The following PLEKHA6 variants were observed in gnomAD, a reference collection of about 807,000 sequenced individuals.
The protein encoded by PLEKHA6 is pleckstrin homology domain-containing family A member 6.
A neutral mutation model predicts 116.7 loss-of-function variants in PLEKHA6; 60 were observed. The ratio of observed to expected loss-of-function variants is 0.51; its 90% CI spans 0.42 to 0.64. The LOEUF (loss-of-function observed/expected upper bound fraction) is 0.64. Among genes scored for constraint, PLEKHA6 ranks in the 30% least tolerant of loss-of-function variants. PLEKHA6 has a pLI of 0.00. For missense variants in PLEKHA6, 1,338 were observed against 1,422.7 expected (o/e 0.94, Z 0.96); for synonymous variants, 489 against 556.1 (o/e 0.88, Z 1.70).
intron 1 of PLEKHA6, among the ~76,000 whole-genome samples, chr1:204,354,036 A>C (rs79764435): frequency 0.011 from 1,647 of 152,360 alleles, 39 homozygotes; most frequent in African/African-American, 0.038. Context: ...GAGGCTAGGT[A>C]GAATTTAAGA....
intron 12 of PLEKHA6, 77 bp from the exon 13 acceptor site, chr1:204,247,537 G>A: frequency 1.1e-6 from 1 of 942,308 alleles, no homozygotes; most frequent in South Asian, 1.4e-5. Context: ...TGGACCCTGG[G>A]GCCAGGGTAC....
At chr1:204,240,063 G>A (rs1459701566) in intron 17 of PLEKHA6, among the ~76,000 whole-genome samples, 1 of 152,196 alleles carries the variant, frequency 6.6e-6, no homozygotes, top group Non-Finnish European at 1.5e-5. Flanking sequence ...TAAATCAACA[G>A]GCTAAGAAGG....
At chr1:204,274,616 C>T in intron 2 of PLEKHA6, 113 bp downstream of exon 2, 1 of 985,736 alleles carries the variant, frequency 1.0e-6, no homozygotes, top group Non-Finnish European at 1.2e-6. Flanking sequence ...CTGCAAAGCC[C>T]TTCTGCTTTC....
rs139689902 is a variant in PLEKHA6, at chr1:204,229,640, C to T, written c.2584-536G>A. Among the ~76,000 whole-genome samples the T allele has an allele frequency of 1.3e-5, 2 of 152,256 alleles. 1 individual carries two copies. Among genetic ancestry groups the T allele is most frequent in the African/African-American group, 4.8e-5 (2 of 41,540 alleles). Reference sequence around the variant, plus strand: ...TTTGTTGTCAGGCTGGTCTCAGACTCCTGGTCTCAAACAATCTTCCCACCT... The same window carrying T: ...TTTGTTGTCAGGCTGGTCTCAGACTTCTGGTCTCAAACAATCTTCCCACCT... On this transcript the variant is annotated intron_variant, in intron 18 of 22. Coordinates refer to ENST00000272203, the MANE Select transcript of PLEKHA6 (RefSeq NM_014935.5).
At chr1:204,316,011 A>T (rs1671843642) in intron 1 of PLEKHA6, among the ~76,000 whole-genome samples, 1 of 152,210 alleles carries the variant, frequency 6.6e-6, no homozygotes, top group Non-Finnish European at 1.5e-5. Context: ...CCTATTTATA[A>T]GCTTGCTTAT....
chr1:204,237,194 TC>T (rs1662184279), intron 17 of PLEKHA6, among the ~76,000 whole-genome samples: 1 of 152,142 alleles, frequency 6.6e-6, no homozygotes, highest in Non-Finnish European at 1.5e-5. Flanking sequence ...TCCAGTGGGT[TC>T]CCAGACTCAT....
At chr1:204,306,795 C>T (rs1039396703) in intron 1 of PLEKHA6, among the ~76,000 whole-genome samples, 3 of 152,066 alleles carry the variant, frequency 2.0e-5, no homozygotes, top group East Asian at 3.9e-4. Flanking sequence ...TGCAATATAT[C>T]CACGTAATGA....
chr1:204,261,579 TC>T lies in PLEKHA6; in HGVS notation c.382-132del. 3 of 1,032,538 alleles carry T rather than the reference TC, an allele frequency of 2.9e-6. No individual in the cohort carries two copies. Among genetic ancestry groups the T allele is most frequent in the Non-Finnish European group, 4.2e-6 (3 of 715,274 alleles). 64.0% of individuals were successfully genotyped at this position (1,032,538 alleles called of 1,614,324 possible). On this transcript the variant is annotated intron_variant, in intron 6 of 22. Coordinates refer to ENST00000272203, the MANE Select transcript of PLEKHA6 (RefSeq NM_014935.5). The surrounding 1 kb of genome is among the most constrained non-coding windows in gnomAD (Gnocchi z 4.0). ...GGCCATTCCCTGCACCTGGGGCTCT[TC>T]CCCATGCGGAGCTCAGGAGCAAGGT...
At chr1:204,282,416 G>C (rs1403581670) in intron 1 of PLEKHA6, among the ~76,000 whole-genome samples, 1 of 152,026 alleles carries the variant, frequency 6.6e-6, no homozygotes, top group African/African-American at 2.4e-5. Context: ...TTCAAATACT[G>C]AAGCTCTTCC....
At chr1:204,333,783 G>A (rs1672543258) in intron 1 of PLEKHA6, among the ~76,000 whole-genome samples, 1 of 152,180 alleles carries the variant, frequency 6.6e-6, no homozygotes, top group African/African-American at 2.4e-5. Context: ...AGCTGCCCTG[G>A]GGGAGAGCTC....
chr1:204,356,858 T>C (rs1673429808), intron 1 of PLEKHA6, among the ~76,000 whole-genome samples: 1 of 152,224 alleles, frequency 6.6e-6, no homozygotes, highest in Non-Finnish European at 1.5e-5. Context: ...ATAGTAATTC[T>C]TTTAATGTAC....
intron 1 of PLEKHA6, among the ~76,000 whole-genome samples, chr1:204,358,874 C>A (rs932481791): frequency 6.6e-6 from 1 of 151,772 alleles, no homozygotes; most frequent in Non-Finnish European, 1.5e-5. Context: ...TTCCCAGGAG[C>A]CTCTTCTCCC....
At position 204,273,543 on chromosome 1, in the gene PLEKHA6, T is replaced by C; in HGVS notation, c.102+83A>G. 3.1e-6 allele frequency: 3 copies of C among 952,790 alleles called. No individual in the cohort carries two copies. In the South Asian group the frequency reaches 3.9e-5, roughly 12 times the overall value. The allele number at this position is 952,790 out of a possible 1,614,324, so 59.0% of individuals were successfully genotyped here. On this transcript the variant is annotated intron_variant, in intron 3 of 22. Transcript: ENST00000272203. The stretch of plus-strand genomic sequence containing the variant: ...GCAGAAATAGCTGGACAGGCTACAA[T>C]TTCCTAGGATTCCCAGAGATCCCAC...
At chr1:204,347,225 G>C in intron 1 of PLEKHA6, 1 of 1,120,136 alleles carries the variant, frequency 8.9e-7, no homozygotes, top group Admixed American at 1.7e-5. Flanking sequence ...AACATACATC[G>C]GGTGCCTCTC....
At chr1:204,311,663 A>T in intron 1 of PLEKHA6, 1 of 973,924 alleles carries the variant, frequency 1.0e-6, no homozygotes, top group Non-Finnish European at 1.2e-6. Context: ...ACACAAAATC[A>T]TCAACTCTTT....
At chr1:204,349,676 T>G (rs1232497434) in intron 1 of PLEKHA6, among the ~76,000 whole-genome samples, 1 of 152,198 alleles carries the variant, frequency 6.6e-6, no homozygotes, top group East Asian at 1.9e-4. Flanking sequence ...CTCCAGGACT[T>G]GCTGCTTCTG....
At chr1:204,230,749 G>A (rs536241169) in intron 17 of PLEKHA6, among the ~76,000 whole-genome samples, 163 bp from the exon 18 acceptor site, 1 of 152,210 alleles carries the variant, frequency 6.6e-6, no homozygotes, top group African/African-American at 2.4e-5. Context: ...GTATCTGAGA[G>A]TGTAACCTTA....
intron 1 of PLEKHA6, among the ~76,000 whole-genome samples, chr1:204,352,382 AAAAG>A (rs1673308575): frequency 6.6e-6 from 1 of 151,996 alleles, no homozygotes; most frequent in African/African-American, 2.4e-5. Context: ...CTCAAAAAAA[AAAAG>A]AAAAGAAAAA....
At chr1:204,224,315 A>C (rs1660032340) in intron 21 of PLEKHA6, among the ~76,000 whole-genome samples, 1 of 152,046 alleles carries the variant, frequency 6.6e-6, no homozygotes, top group Non-Finnish European at 1.5e-5. Context: ...GAGACTTATT[A>C]CTGGGGACAA....
Sources: gnomAD v4.1 joint callset for allele counts (sites outside exome capture counted in the v4.1 genomes callset) on GRCh38, gnomAD v4.1.1 for gene constraint, Gnocchi (gnomAD v3.1) non-coding constraint, MANE v1.5 for transcripts, NCBI Gene and HGNC (gene_info 2026-07-23, HGNC 2026-07-21) for gene names.